The following ANXA11 variants were observed in gnomAD, a reference collection of about 807,000 sequenced individuals.
ANXA11 encodes the protein 56 kDa autoantigen.
ANXA11 carries 57 observed loss-of-function variants against 64.7 expected under a neutral mutation model. The observed-to-expected ratio is 0.88, with a 90% CI of 0.71 to 1.10. The LOEUF (loss-of-function observed/expected upper bound fraction) is 1.10, where lower values mean the gene tolerates loss of function less well. Ranked by LOEUF, ANXA11 falls within the 50% of genes least tolerant of loss-of-function variation. ANXA11 has a pLI of 0.00. For synonymous variants in ANXA11, 260 were observed against 265.2 expected (o/e 0.98, Z 0.19); for missense variants, 675 against 670.7 (o/e 1.01, Z -0.07).
intron 3 of ANXA11, chr10:80,171,323 G>A (rs1364891254): frequency 7.6e-6 from 7 of 923,756 alleles, no homozygotes; most frequent in South Asian, 3.5e-5. Context: ...TCAGTAATGC[G>A]AAGGCACTGG....
At chr10:80,178,770 T>C (rs1293484960) in intron 1 of ANXA11, among the ~76,000 whole-genome samples, 2 of 152,226 alleles carry the variant, frequency 1.3e-5, no homozygotes, top group Admixed American at 6.5e-5. Flanking sequence ...CAGGCCACAC[T>C]GCTTCATCAT....
At chr10:80,159,825 A>G (rs1845434236) in intron 12 of ANXA11, among the ~76,000 whole-genome samples, 1 of 152,128 alleles carries the variant, frequency 6.6e-6, no homozygotes. Context: ...GTACTCCAAG[A>G]CAGTGTCCCC....
rs56344170 is a variant in ANXA11, at chr10:80,198,750, T to TGAGA, written c.-58+6589_-58+6592dup. The stretch of plus-strand genomic sequence containing the variant: ...TTTCAAGAAAGAGTGAGAGAGTGAG[T>TGAGA]GAGAGAGAGAGAGAGAGAGAGACGG... On this transcript the variant is annotated intron_variant, in intron 1 of 15. Coordinates refer to ENST00000422982, the MANE Select transcript of ANXA11 (RefSeq NM_145868.2). Among the ~76,000 whole-genome samples the TGAGA allele has an allele frequency of 2.5e-3, 366 of 147,662 alleles. 2 individuals are homozygous for TGAGA. The highest frequency in any genetic ancestry group is 6.9e-3 in the Middle Eastern group (2 of 288).
chr10:80,193,699 T>C (rs1846868651), intron 1 of ANXA11, among the ~76,000 whole-genome samples: 1 of 150,474 alleles, frequency 6.6e-6, no homozygotes, highest in African/African-American at 2.4e-5. Context: ...CAGAAAGTAG[T>C]CTGGCGTGGT....
chr10:80,179,933 ATCC>A (rs1564618208), intron 1 of ANXA11, among the ~76,000 whole-genome samples: 3 of 152,150 alleles, frequency 2.0e-5, no homozygotes, highest in Admixed American at 2.0e-4. Flanking sequence ...ACATGGTGCC[ATCC>A]CTATTAAAGT....
chr10:80,159,434 G>A (rs1845416661), intron 12 of ANXA11, among the ~76,000 whole-genome samples: 1 of 152,216 alleles, frequency 6.6e-6, no homozygotes, highest in Admixed American at 6.5e-5. Context: ...ACATGCAGAG[G>A]AAAGACCATG....
intron 1 of ANXA11, chr10:80,181,524 G>A (rs979156506): frequency 2.0e-5 from 3 of 151,914 alleles, no homozygotes; most frequent in Non-Finnish European, 4.4e-5. Context: ...GCCATAGAAT[G>A]GGAGAAAATA....
At chr10:80,157,505 GAAC>G (rs1386375178) in intron 15 of ANXA11, 133 bp downstream of exon 15, 95 of 1,483,240 alleles carry the variant, frequency 6.4e-5, no homozygotes, top group Non-Finnish European at 7.5e-5. Context: ...GCAAGGGGAT[GAAC>G]AAGTCCGAGG....
chr10:80,166,715 G>A, intron 7 of ANXA11, 175 bp downstream of exon 7: 1 of 611,456 alleles, frequency 1.6e-6, no homozygotes, highest in Non-Finnish European at 2.9e-6. Context: ...AGCACCCGGT[G>A]GCATCCTTCA....
At chr10:80,188,735 G>A (rs1846648186) in intron 1 of ANXA11, among the ~76,000 whole-genome samples, 2 of 152,000 alleles carry the variant, frequency 1.3e-5, no homozygotes, top group African/African-American at 2.4e-5. Context: ...GAACAGGAAC[G>A]CGCTTTGTAA....
chr10:80,157,600 A>C (rs776537022), intron 15 of ANXA11, 41 bp downstream of exon 15: 2 of 1,596,372 alleles, frequency 1.3e-6, no homozygotes, highest in Non-Finnish European at 1.7e-6. Context: ...GGTGACTGAG[A>C]TGCCAAAAGG....
intron 8 of ANXA11, among the ~76,000 whole-genome samples, chr10:80,165,448 C>T (rs545551376): frequency 3.3e-5 from 5 of 152,268 alleles, no homozygotes; most frequent in South Asian, 2.1e-4. Context: ...GAGTCCAAGC[C>T]GGGCCCGTCA....
intron 1 of ANXA11, among the ~76,000 whole-genome samples, chr10:80,203,375 A>G (rs987540157): frequency 6.6e-6 from 1 of 152,006 alleles, no homozygotes; most frequent in African/African-American, 2.4e-5. Flanking sequence ...ATCATGCATA[A>G]AGGCGTCAGG....
In ANXA11 at chr10:80,163,453, T is replaced by C. The variant is rs761638222; in HGVS notation, c.1030-48A>G. On this transcript the variant is annotated intron_variant, in intron 10 of 15. Transcript: ENST00000422982. ...TCATGCCCACTCCTTCCCCATTTATTTTCCCTTTCCTCATTGCGGGGATCC... is the reference window on the plus strand; with the variant it reads ...TCATGCCCACTCCTTCCCCATTTATCTTCCCTTTCCTCATTGCGGGGATCC... 8 of 1,613,528 alleles carry C rather than the reference T, an allele frequency of 5.0e-6. No homozygotes were observed. The South Asian group carries it at 6.6e-5, about 13-fold the overall frequency.
intron 3 of ANXA11, among the ~76,000 whole-genome samples, 158 bp downstream of exon 3, chr10:80,172,649 C>T (rs547823051): frequency 1.3e-5 from 2 of 152,148 alleles, no homozygotes; most frequent in African/African-American, 2.4e-5. Flanking sequence ...GCCCCTGCCT[C>T]GGCTGGCTGT....
Position 80,155,670 on chromosome 10 carries a change from T to C in ANXA11, c.*183A>G. Reference sequence around the variant, plus strand: ...GGGTAGAAAAGGCATCCTGAGAGAGTTCTAGACCGACCCAGGTCCTGTGGC... The same window carrying C: ...GGGTAGAAAAGGCATCCTGAGAGAGCTCTAGACCGACCCAGGTCCTGTGGC... On this transcript the variant is annotated 3_prime_UTR_variant, in exon 16 of 16. Coordinates refer to ENST00000422982, the MANE Select transcript of ANXA11 (RefSeq NM_145868.2). The C allele has an allele frequency of 1.6e-6, 1 of 638,508 alleles. No homozygotes were observed. Among genetic ancestry groups the C allele is most frequent in the Non-Finnish European group, 2.8e-6 (1 of 361,214 alleles). 39.6% of individuals were successfully genotyped at this position (638,508 alleles called of 1,614,324 possible). A position where few individuals can be genotyped will look rare whatever the true frequency, so the allele number is the denominator to read the frequency against.
chr10:80,171,662 C>T lies in ANXA11; in HGVS notation c.56-747G>A, dbSNP rs548509894. The T allele has an allele frequency of 1.5e-5, 15 of 985,548 alleles. No homozygotes were observed. In the African/African-American group the frequency reaches 1.7e-4, roughly 11 times the overall value. 61.1% of individuals were successfully genotyped at this position (985,548 alleles called of 1,614,324 possible). On this transcript the variant is annotated intron_variant, in intron 3 of 15. Transcript: ENST00000422982. ...ATGGGCATTCGACATCATCATGGGGCCTCTGGCCTGTTAGATGCTTTCCTC... is the reference window on the plus strand; with the variant it reads ...ATGGGCATTCGACATCATCATGGGGTCTCTGGCCTGTTAGATGCTTTCCTC...
intron 3 of ANXA11, among the ~76,000 whole-genome samples, chr10:80,172,178 G>C (rs1846000512): frequency 6.6e-6 from 1 of 152,150 alleles, no homozygotes; most frequent in Non-Finnish European, 1.5e-5. Context: ...CTTTCCCACA[G>C]TGGGGACCAA....
chr10:80,172,069 G>A (rs532487549), intron 3 of ANXA11, among the ~76,000 whole-genome samples: 131 of 152,302 alleles, frequency 8.6e-4, no homozygotes, highest in African/African-American at 3.0e-3. Flanking sequence ...TGATGCCTAG[G>A]AGTCCCCTGG....
Sources: gnomAD v4.1 joint callset for allele counts (sites outside exome capture counted in the v4.1 genomes callset) on GRCh38, gnomAD v4.1.1 for gene constraint, MANE v1.5 for transcripts, NCBI Gene and HGNC (gene_info 2026-07-23, HGNC 2026-07-21) for gene names.